Variants in TSHZ3 observed in about 807,000 individuals in gnomAD.
TSHZ3 encodes the protein teashirt zinc finger homeobox 3, also known as teashirt homolog 3.
TSHZ3 carries 10 observed loss-of-function variants against 64.5 expected under a neutral mutation model. That is an observed-to-expected ratio of 0.16 (90% CI 0.10 to 0.26). The LOEUF is 0.26. Ranked by LOEUF, TSHZ3 falls within the 10% of genes least tolerant of loss-of-function variation. The probability of loss-of-function intolerance (pLI) is 1.00; values close to 1 mark genes in which losing one functional copy is unlikely to be tolerated. For missense variants in TSHZ3, 1,242 were observed against 1,421.7 expected, an observed-to-expected ratio of 0.87 and a Z score of 2.03; for synonymous variants, 608 against 593.1, an observed-to-expected ratio of 1.03 and a Z score of -0.36.
intron 1 of TSHZ3, chr19:31,308,390 T>C: frequency 2.8e-6 from 1 of 358,530 alleles, no homozygotes; most frequent in East Asian, 4.1e-5. Flanking sequence ...CAAGTCATAA[T>C]AAGGGAAAAT....
At chr19:31,150,827 C>T (rs895317013) in exon 7 of TSHZ3, among the ~76,000 whole-genome samples, 1 of 152,098 alleles carries the variant, frequency 6.6e-6, no homozygotes, top group Non-Finnish European at 1.5e-5. Context: ...GTGGTCTGTC[C>T]CTCCATAGAT....
rs539293359 is a variant in TSHZ3 at position 31,154,688 on chromosome 19, A to G, written n.871+1668T>C. Among the ~76,000 whole-genome samples the G allele has an allele frequency of 2.0e-5, 3 of 152,380 alleles. No homozygotes were observed. In the South Asian group the frequency reaches 6.2e-4, roughly 32 times the overall value. Reference sequence around the variant, plus strand: ...CAGAAACAGGAGAGACCAGACTCCTATCACCGCAAATGGCTTGAACTTCCC... The same window carrying G: ...CAGAAACAGGAGAGACCAGACTCCTGTCACCGCAAATGGCTTGAACTTCCC... On this transcript the variant is annotated intron_variant and non_coding_transcript_variant, in intron 6 of 6. Coordinates refer to the TSHZ3 transcript ENST00000651361.
rs1248590895 is a variant in TSHZ3, at chr19:31,263,909, A to G, written n.64-21034T>C. ...CTCCATGGAATGAGTTGTACGGGGT[A>G]GCAGAAACAGTGGGGGAGGAGGGGG... On this transcript the variant is annotated intron_variant and non_coding_transcript_variant, in intron 1 of 6. Transcript: ENST00000651361. Among the ~76,000 whole-genome samples, 4 of 152,208 alleles carry G rather than the reference A, an allele frequency of 2.6e-5. No individual in the cohort carries two copies. In the East Asian group the frequency reaches 7.7e-4, roughly 29 times the overall value.
intron 1 of TSHZ3, among the ~76,000 whole-genome samples, chr19:31,243,937 G>A (rs1007947289): frequency 2.6e-5 from 4 of 152,174 alleles, no homozygotes; most frequent in African/African-American, 7.2e-5. Flanking sequence ...TATCAGCAAG[G>A]CCTTTTTAAA....
chr19:31,320,937 G>T (rs1225599493), intron 1 of TSHZ3, among the ~76,000 whole-genome samples: 1 of 152,204 alleles, frequency 6.6e-6, no homozygotes, highest in Non-Finnish European at 1.5e-5. Flanking sequence ...TACGGGTCCT[G>T]CTGAGATGTT....
At chr19:31,222,445 C>A (rs558602540) in intron 4 of TSHZ3, among the ~76,000 whole-genome samples, 1 of 152,192 alleles carries the variant, frequency 6.6e-6, no homozygotes. Flanking sequence ...CACTTCACAA[C>A]CTTCCTAGAC....
At chr19:31,202,036 G>A (rs552775578) in intron 5 of TSHZ3, among the ~76,000 whole-genome samples, 5 of 151,992 alleles carry the variant, frequency 3.3e-5, no homozygotes, top group South Asian at 4.2e-4. Flanking sequence ...GCGTGCTGGC[G>A]GTGCCTGTAA....
chr19:31,260,997 C>A (rs373501227), intron 1 of TSHZ3, among the ~76,000 whole-genome samples: 1 of 152,172 alleles, frequency 6.6e-6, no homozygotes, highest in African/African-American at 2.4e-5. Flanking sequence ...GAATGCGGGG[C>A]GTGGTGGCCA....
At chr19:31,163,495 G>T (rs1037902319) in intron 5 of TSHZ3, among the ~76,000 whole-genome samples, 4 of 152,158 alleles carry the variant, frequency 2.6e-5, no homozygotes, top group Non-Finnish European at 5.9e-5. Flanking sequence ...ACTTTGGGAG[G>T]CCGAGGTGGG....
At chr19:31,214,690 C>G (rs1172541676) in intron 4 of TSHZ3, among the ~76,000 whole-genome samples, 1 of 151,998 alleles carries the variant, frequency 6.6e-6, no homozygotes, top group Non-Finnish European at 1.5e-5. Flanking sequence ...AGGCAGATCA[C>G]GAGGCCAGGA....
chr19:31,346,032 T>A (rs867309451), intron 1 of TSHZ3, among the ~76,000 whole-genome samples: 3 of 152,200 alleles, frequency 2.0e-5, no homozygotes, highest in South Asian at 2.1e-4. Flanking sequence ...AAGAAACCTC[T>A]CTTTCTCTTT....
chr19:31,258,201 C>A (rs1457099261), intron 1 of TSHZ3, among the ~76,000 whole-genome samples: 1 of 152,172 alleles, frequency 6.6e-6, no homozygotes, highest in Non-Finnish European at 1.5e-5. Flanking sequence ...CCCTGTCCAT[C>A]ATTGGTTGGG....
At position 31,277,720 on chromosome 19, in the gene TSHZ3, G is replaced by A; in HGVS notation, c.2073C>T (p.Gly691=). ...GSPLAEPVEN[G]KELVKPLASS... is the part of the protein sequence containing the mutation. ...TGGCTAGGGGCTTCACCAGCTCCTT[G>A]CCATTCTCCACCGGCTCAGCGAGGG... The change falls in exon 2 of 2, where the codon GGC becomes GGT. Residue 691 remains glycine, a synonymous_variant. Transcript: ENST00000240587. The surrounding 1 kb of genome is among the most constrained non-coding windows in gnomAD (Gnocchi z 4.5). 1 of 1,522,998 alleles carries A rather than the reference G, an allele frequency of 6.6e-7. No individual in the cohort carries two copies. Among genetic ancestry groups the A allele is most frequent in the Non-Finnish European group, 8.8e-7 (1 of 1,137,752 alleles). 94.3% of individuals were successfully genotyped at this position (1,522,998 alleles called of 1,614,324 possible). A position where few individuals can be genotyped will look rare whatever the true frequency, so the allele number is the denominator to read the frequency against.
At chr19:31,207,741 G>A (rs1024738457) in intron 4 of TSHZ3, 6 of 152,202 alleles carry the variant, frequency 3.9e-5, no homozygotes, top group African/African-American at 7.2e-5. Context: ...TGGCCAGATC[G>A]ATAGAGGAAT....
At chr19:31,151,476 C>A (rs1368992636) in exon 7 of TSHZ3, among the ~76,000 whole-genome samples, 1 of 152,156 alleles carries the variant, frequency 6.6e-6, no homozygotes, top group Middle Eastern at 3.2e-3. Flanking sequence ...AGTCTTCAAC[C>A]CCCAAAATTA....
intron 5 of TSHZ3, among the ~76,000 whole-genome samples, chr19:31,204,193 C>G (rs1184085433): frequency 6.6e-6 from 1 of 151,958 alleles, no homozygotes; most frequent in East Asian, 2.0e-4. Context: ...GGTGGGGACA[C>G]AGAGCAAAAC....
intron 4 of TSHZ3, among the ~76,000 whole-genome samples, chr19:31,212,172 G>A (rs984731088): frequency 6.6e-6 from 1 of 152,080 alleles, no homozygotes; most frequent in Non-Finnish European, 1.5e-5. Context: ...AAAGCAAAGG[G>A]TGGCCAGACG....
intron 4 of TSHZ3, among the ~76,000 whole-genome samples, chr19:31,214,897 G>T (rs917358780): frequency 7.8e-6 from 1 of 128,048 alleles, no homozygotes; most frequent in African/African-American, 3.0e-5. Context: ...GACAGAGCGA[G>T]ACTCTGTCTC....
At position 31,325,111 on chromosome 19, in the gene TSHZ3, A is replaced by G. The variant is rs537114213; in HGVS notation, c.40+24069T>C. 1.9e-3 allele frequency among the ~76,000 whole-genome samples: 282 copies of G among 152,346 alleles called. 1 individual carries two copies. Among genetic ancestry groups the G allele is most frequent in the Middle Eastern group, 6.8e-3 (2 of 294 alleles). ...GCTGTGCTCCGTAGGAACTAAACAT[A>G]GGTAGTATACGGGCACAGTGCCTCT... On this transcript the variant is annotated intron_variant, in intron 1 of 1. Transcript: ENST00000240587.
Sources: allele counts gnomAD v4.1 joint callset (sites outside exome capture counted in the v4.1 genomes callset), GRCh38; gene constraint gnomAD v4.1.1; non-coding constraint Gnocchi (gnomAD v3.1); transcripts MANE v1.5; gene names NCBI Gene and HGNC (gene_info 2026-07-23, HGNC 2026-07-21).